Variants in GPC6 observed in about 807,000 individuals in gnomAD.
The protein encoded by GPC6 is glypican-6.
GPC6 carries 14 observed loss-of-function variants against 55.2 expected under a neutral mutation model. The ratio of observed to expected loss-of-function variants is 0.25; its 90% CI spans 0.17 to 0.40. The LOEUF (loss-of-function observed/expected upper bound fraction) is 0.40, where lower values mean the gene tolerates loss of function less well. Ranked by LOEUF, GPC6 falls within the 10% of genes least tolerant of loss-of-function variation. The probability of loss-of-function intolerance (pLI) is 1.00; values close to 1 mark genes in which losing one functional copy is unlikely to be tolerated. For synonymous variants in GPC6, 278 were observed against 259.6 expected, an observed-to-expected ratio of 1.07 and a Z score of -0.68; for missense variants, 641 against 708.5, an observed-to-expected ratio of 0.90 and a Z score of 1.08.
chr13:93,920,285 TC>T (rs1485155114), intron 3 of GPC6, among the ~76,000 whole-genome samples: 1 of 152,158 alleles, frequency 6.6e-6, no homozygotes. Context: ...AATGAGAGCA[TC>T]CCCCAAGGTC....
chr13:94,157,971 G>C (rs906882458), intron 4 of GPC6, among the ~76,000 whole-genome samples: 1 of 152,130 alleles, frequency 6.6e-6, no homozygotes, highest in Admixed American at 6.6e-5. Flanking sequence ...AATTACCATG[G>C]ACTAAGAGAA....
intron 1 of GPC6, among the ~76,000 whole-genome samples, chr13:93,435,069 G>T: frequency 6.6e-6 from 1 of 152,076 alleles, no homozygotes; most frequent in Non-Finnish European, 1.5e-5. Flanking sequence ...TAAAAGTATT[G>T]TTTATAGATC....
At chr13:93,876,003 G>C (rs1231988520) in intron 3 of GPC6, among the ~76,000 whole-genome samples, 1 of 152,046 alleles carries the variant, frequency 6.6e-6, no homozygotes, top group South Asian at 2.1e-4. Context: ...AGAGGCAAAA[G>C]CTGACCAGTA....
At chr13:94,323,081 T>C (rs1161385227) in intron 6 of GPC6, among the ~76,000 whole-genome samples, 1 of 152,022 alleles carries the variant, frequency 6.6e-6, no homozygotes, top group Non-Finnish European at 1.5e-5. Context: ...CAAATGAGGA[T>C]GACGGGATTG....
intron 1 of GPC6, among the ~76,000 whole-genome samples, chr13:93,321,088 A>G (rs1879422303): frequency 6.6e-6 from 1 of 151,928 alleles, no homozygotes; most frequent in Admixed American, 6.6e-5. Flanking sequence ...ATTTATGGTT[A>G]TAATGGACAG....
chr13:93,648,055 T>A (rs967588931), intron 2 of GPC6, among the ~76,000 whole-genome samples: 1 of 152,026 alleles, frequency 6.6e-6, no homozygotes, highest in Admixed American at 6.6e-5. Flanking sequence ...AGGGATGGCA[T>A]TAGAGGAGAA....
At chr13:93,685,670 G>A (rs1215464378) in intron 2 of GPC6, among the ~76,000 whole-genome samples, 1 of 152,036 alleles carries the variant, frequency 6.6e-6, no homozygotes, top group Admixed American at 6.6e-5. Context: ...TGATGAGCCT[G>A]GAGTCGCTAG....
At chr13:93,252,028 C>CG (rs1876802153) in intron 1 of GPC6, among the ~76,000 whole-genome samples, 1 of 152,088 alleles carries the variant, frequency 6.6e-6, no homozygotes, top group South Asian at 2.1e-4. Flanking sequence ...TTGATTATTT[C>CG]GATTTGTTGA....
At chr13:93,818,389 A>G (rs1032498348) in intron 2 of GPC6, 2 of 152,170 alleles carry the variant, frequency 1.3e-5, no homozygotes, top group African/African-American at 4.8e-5. Flanking sequence ...ATTTTTATAT[A>G]TAATTATGCT....
intron 4 of GPC6, among the ~76,000 whole-genome samples, chr13:94,245,716 G>A (rs560355718): frequency 6.6e-6 from 1 of 151,996 alleles, no homozygotes; most frequent in Non-Finnish European, 1.5e-5. Flanking sequence ...AATAATATTT[G>A]TGTGTATGTG....
At chr13:93,729,196 A>T (rs1883743019) in intron 2 of GPC6, among the ~76,000 whole-genome samples, 1 of 152,160 alleles carries the variant, frequency 6.6e-6, no homozygotes, top group Non-Finnish European at 1.5e-5. Flanking sequence ...GTGTAGCTTA[A>T]CCTACACCCA....
intron 2 of GPC6, among the ~76,000 whole-genome samples, chr13:93,684,849 G>T (rs1881990969): frequency 6.6e-6 from 1 of 152,112 alleles, no homozygotes; most frequent in South Asian, 2.1e-4. Flanking sequence ...CTAAAGTTAA[G>T]AAGGAGCCAT....
intron 2 of GPC6, among the ~76,000 whole-genome samples, chr13:93,665,275 C>G (rs576667663): frequency 6.6e-6 from 1 of 152,240 alleles, no homozygotes; most frequent in East Asian, 1.9e-4. Context: ...TGCAGCCATG[C>G]AAAATAATTG....
intron 1 of GPC6, among the ~76,000 whole-genome samples, chr13:93,353,719 A>T (rs1880716789): frequency 6.6e-6 from 1 of 152,148 alleles, no homozygotes; most frequent in Non-Finnish European, 1.5e-5. Context: ...TTTGCTCGTG[A>T]TTACTCACCT....
intron 2 of GPC6, among the ~76,000 whole-genome samples, chr13:93,781,025 C>T (rs1488270877): frequency 1.3e-5 from 2 of 151,984 alleles, no homozygotes; most frequent in East Asian, 3.9e-4. Flanking sequence ...TGCCTGTAAT[C>T]CCAGCACTTT....
intron 1 of GPC6, among the ~76,000 whole-genome samples, chr13:93,268,227 C>G (rs1877391006): frequency 6.6e-6 from 1 of 152,070 alleles, no homozygotes; most frequent in South Asian, 2.1e-4. Flanking sequence ...CACTCTTAGG[C>G]AGTTGGTATG....
intron 4 of GPC6, among the ~76,000 whole-genome samples, chr13:94,205,800 A>G (rs1889884577): frequency 6.6e-6 from 1 of 152,206 alleles, no homozygotes; most frequent in South Asian, 2.1e-4. Flanking sequence ...TAAATGATAA[A>G]TGGCTTTCAG....
At chr13:94,070,539 G>T (rs1164374678) in intron 4 of GPC6, among the ~76,000 whole-genome samples, 1 of 152,164 alleles carries the variant, frequency 6.6e-6, no homozygotes, top group Admixed American at 6.5e-5. Flanking sequence ...TGGGAACTAT[G>T]CTACGTGAGG....
At chr13:93,376,776 CT>C (rs58608553) in intron 1 of GPC6, among the ~76,000 whole-genome samples, 47,487 of 139,588 alleles carry the variant, frequency 0.34, 7,500 homozygotes, top group East Asian at 0.66. Flanking sequence ...TTCTTGCTCA[CT>C]TTTTTTTTTT....
Sources: gnomAD v4.1 joint callset for allele counts (sites outside exome capture counted in the v4.1 genomes callset) on GRCh38, gnomAD v4.1.1 for gene constraint, MANE v1.5 for transcripts, NCBI Gene and HGNC (gene_info 2026-07-23, HGNC 2026-07-21) for gene names.